The following DPYD variants were observed in gnomAD, a reference collection of about 807,000 sequenced individuals.
DPYD encodes dihydropyrimidine dehydrogenase [NADP(+)].
A neutral mutation model predicts 116.2 loss-of-function variants in DPYD; 109 were observed. The observed-to-expected ratio is 0.94, with a 90% confidence interval of 0.80 to 1.10. The LOEUF (loss-of-function observed/expected upper bound fraction) is 1.10, where lower values mean the gene tolerates loss of function less well. Ranked by LOEUF, DPYD falls within the 50% of genes least tolerant of loss-of-function variation. The pLI, the probability that DPYD is intolerant of heterozygous loss-of-function variation, is 0.00. For synonymous variants in DPYD, 440 were observed against 432.0 expected (o/e 1.02, Z -0.23); for missense variants, 1,302 against 1,254.5 (o/e 1.04, Z -0.57).
chr1:97,572,018 G>C (rs868002160), intron 11 of DPYD, among the ~76,000 whole-genome samples: 1 of 151,804 alleles, frequency 6.6e-6, no homozygotes, highest in African/African-American at 2.4e-5. Context: ...AACATGGAAG[G>C]CTCCTGGTAA....
At chr1:97,721,449 T>A in intron 5 of DPYD, 61 bp downstream of exon 5, 1 of 1,595,840 alleles carries the variant, frequency 6.3e-7, no homozygotes, top group Admixed American at 1.7e-5. Context: ...ATTAAAGTTA[T>A]TTTAAGATAT....
intron 3 of DPYD, among the ~76,000 whole-genome samples, chr1:97,813,599 C>T (rs1002685579): frequency 4.6e-5 from 7 of 152,068 alleles, no homozygotes; most frequent in African/African-American, 1.7e-4. Flanking sequence ...ATGACAAACA[C>T]CCATTTCCAC....
chr1:97,420,773 T>C (rs928523732), intron 14 of DPYD, among the ~76,000 whole-genome samples: 11 of 152,192 alleles, frequency 7.2e-5, no homozygotes, highest in Admixed American at 7.2e-4. Flanking sequence ...ACTCTGCTGG[T>C]AATGCCAGTG....
At chr1:97,151,787 C>G (rs1455328367) in intron 20 of DPYD, among the ~76,000 whole-genome samples, 1 of 152,144 alleles carries the variant, frequency 6.6e-6, no homozygotes, top group Non-Finnish European at 1.5e-5. Context: ...GAATCCAAAT[C>G]TTCAAATCCC....
intron 16 of DPYD, among the ~76,000 whole-genome samples, chr1:97,358,192 C>T (rs1271900405): frequency 6.6e-6 from 1 of 152,234 alleles, no homozygotes; most frequent in East Asian, 1.9e-4. Context: ...AGGAGCCTTG[C>T]TTATGGCTAG....
intron 20 of DPYD, among the ~76,000 whole-genome samples, chr1:97,129,979 C>G (rs971441812): frequency 1.3e-5 from 2 of 152,150 alleles, no homozygotes; most frequent in East Asian, 1.9e-4. Context: ...AAATGTCCAG[C>G]CTTTCCTGTT....
At chr1:97,899,245 G>A (rs918284709) in intron 1 of DPYD, among the ~76,000 whole-genome samples, 12 of 151,712 alleles carry the variant, frequency 7.9e-5, no homozygotes, top group Admixed American at 7.9e-4. Context: ...AGCACTATAT[G>A]TATACATGAC....
chr1:97,089,647 C>T (rs531458506), intron 21 of DPYD, among the ~76,000 whole-genome samples: 31 of 152,088 alleles, frequency 2.0e-4, no homozygotes, highest in Non-Finnish European at 3.8e-4. Flanking sequence ...CTTTCTGTTT[C>T]CCTTATGGAA....
chr1:97,254,536 A>T (rs1458284722), intron 18 of DPYD, among the ~76,000 whole-genome samples: 1 of 152,174 alleles, frequency 6.6e-6, no homozygotes, highest in Non-Finnish European at 1.5e-5. Flanking sequence ...AGAAAGAGAA[A>T]GAGAAGAAAA....
In DPYD at chr1:97,901,017, TA is replaced by T. The variant is rs559480223; in HGVS notation, c.40-17644del. Among the ~76,000 whole-genome samples, 48 of 151,932 alleles carry T rather than the reference TA, an allele frequency of 3.2e-4. 2 individuals carry two copies. The Middle Eastern group carries it at 0.01, about 32-fold the overall frequency. ...GTCTTTTATTCGAAAAAAATTATAT[TA>T]AAAAATGATATAAGAACATTTTTTA... is the stretch of plus-strand genomic sequence containing the variant. On this transcript the variant is annotated intron_variant, in intron 1 of 22. Coordinates refer to ENST00000370192, the MANE Select transcript of DPYD (RefSeq NM_000110.4).
At chr1:97,706,950 C>T (rs1314001266) in intron 5 of DPYD, among the ~76,000 whole-genome samples, 1 of 152,068 alleles carries the variant, frequency 6.6e-6, no homozygotes, top group Non-Finnish European at 1.5e-5. Context: ...TACCATTTTG[C>T]ATTTCCACCA....
rs1474389608 is a variant in DPYD at position 97,181,127 on chromosome 1, AC to A, written c.2622+11941del. Among the ~76,000 whole-genome samples, 2 of 151,994 alleles carry A rather than the reference AC, an allele frequency of 1.3e-5. 1 individual carries two copies. Among genetic ancestry groups the A allele is most frequent in the Non-Finnish European group, 2.9e-5 (2 of 68,000 alleles). ...TGCAGGCACTGACAATTGATCACAC[AC>A]CTCTGCTGGGCTAGGCTTTGAATCA... On this transcript the variant is annotated intron_variant, in intron 20 of 22. Coordinates refer to ENST00000370192, the MANE Select transcript of DPYD (RefSeq NM_000110.4).
chr1:97,272,748 G>A (rs1339575967), intron 18 of DPYD, among the ~76,000 whole-genome samples: 3 of 152,090 alleles, frequency 2.0e-5, no homozygotes, highest in Admixed American at 6.6e-5. Flanking sequence ...GAAAAGATAC[G>A]TTACTACAAG....
chr1:97,622,485 C>A (rs1656687483), intron 8 of DPYD, among the ~76,000 whole-genome samples: 1 of 151,910 alleles, frequency 6.6e-6, no homozygotes, highest in African/African-American at 2.4e-5. Flanking sequence ...CATAAGAAGA[C>A]ATGGCCACTA....
chr1:97,163,179 T>C (rs1424792057), intron 20 of DPYD, among the ~76,000 whole-genome samples: 1 of 152,000 alleles, frequency 6.6e-6, no homozygotes, highest in Non-Finnish European at 1.5e-5. Flanking sequence ...GAAACTACCA[T>C]CAGAGTAAAC....
intron 13 of DPYD, among the ~76,000 whole-genome samples, chr1:97,460,391 C>T (rs1417039777): frequency 1.3e-5 from 2 of 152,026 alleles, no homozygotes; most frequent in African/African-American, 2.4e-5. Context: ...AGTCATTTAT[C>T]TATACAACTA....
intron 18 of DPYD, among the ~76,000 whole-genome samples, chr1:97,300,520 T>C (rs536500731): frequency 5.1e-4 from 77 of 152,234 alleles, no homozygotes; most frequent in Middle Eastern, 3.4e-3. Context: ...GGAATTGTAA[T>C]GTGTGGTGTA....
intron 8 of DPYD, among the ~76,000 whole-genome samples, chr1:97,626,728 C>T (rs928000231): frequency 3.9e-5 from 6 of 151,934 alleles, no homozygotes; most frequent in African/African-American, 7.2e-5. Flanking sequence ...TAAAAATAAA[C>T]GACATAGTAA....
chr1:97,111,933 G>A (rs1651627560), intron 20 of DPYD, among the ~76,000 whole-genome samples: 1 of 151,812 alleles, frequency 6.6e-6, no homozygotes, highest in Non-Finnish European at 1.5e-5. Flanking sequence ...CATAAAATGG[G>A]AATAATATTT....
Sources: gnomAD v4.1 joint callset for allele counts (sites outside exome capture counted in the v4.1 genomes callset) on GRCh38, gnomAD v4.1.1 for gene constraint, MANE v1.5 for transcripts, NCBI Gene and HGNC (gene_info 2026-07-23, HGNC 2026-07-21) for gene names.